RAB33B: variants seen among roughly 807,000 people sequenced by gnomAD.
RAB33B encodes the protein RAB33B, member RAS oncogene family.
A neutral mutation model predicts 15.0 loss-of-function variants in RAB33B; 6 were observed. The ratio of observed to expected loss-of-function variants is 0.40; its 90% CI spans 0.22 to 0.79. RAB33B has a LOEUF of 0.79. Ranked by LOEUF, RAB33B falls within the 30% of genes least tolerant of loss-of-function variation. The pLI, the probability that RAB33B is intolerant of heterozygous loss-of-function variation, is 0.37. For synonymous variants in RAB33B, 117 were observed against 108.3 expected, an observed-to-expected ratio of 1.08 and a Z score of -0.50; for missense variants, 257 against 296.4, an observed-to-expected ratio of 0.87 and a Z score of 0.98.
intron 1 of RAB33B, among the ~76,000 whole-genome samples, 160 bp from the exon 2 acceptor site, chr4:139,472,526 G>A (rs972905790): frequency 2.0e-5 from 3 of 152,160 alleles, no homozygotes; most frequent in Non-Finnish European, 4.4e-5. Flanking sequence ...GTATCATGAA[G>A]TCTGGATCCC....
Position 139,475,424 on chromosome 4 carries a change from C to T in RAB33B, c.*2298C>T, listed in dbSNP as rs987650734. 1 of 151,822 alleles carries T rather than the reference C, an allele frequency of 6.6e-6. No individual in the cohort carries two copies. Among genetic ancestry groups the T allele is most frequent in the Non-Finnish European group, 1.5e-5 (1 of 67,872 alleles). The allele number at this position is 151,822 out of a possible 1,614,324, so 9.4% of individuals were successfully genotyped here. A position where few individuals can be genotyped will look rare whatever the true frequency, so the allele number is the denominator to read the frequency against. ...TTCTGTGAAAGGACTTATTTTTTAA[C>T]TGTAATATTTATTAGTTTTAAAATA... On this transcript the variant is annotated 3_prime_UTR_variant, in exon 2 of 2. Transcript: ENST00000305626.
the RAB33B span, among the ~76,000 whole-genome samples, chr4:139,446,981 A>G: frequency 6.6e-6 from 1 of 152,224 alleles, no homozygotes; most frequent in African/African-American, 2.4e-5. Flanking sequence ...TCCTCACTGG[A>G]ATAAACACTT....
upstream of RAB33B, chr4:139,450,763 T>G (rs1302781198): frequency 6.6e-6 from 1 of 152,138 alleles, no homozygotes; most frequent in African/African-American, 2.4e-5. Context: ...TAAAATTATC[T>G]AAGAGCTGTT....
At chr4:139,472,265 TAAC>T (rs1243833878) in intron 1 of RAB33B, among the ~76,000 whole-genome samples, 6 of 152,236 alleles carry the variant, frequency 3.9e-5, no homozygotes, top group African/African-American at 1.4e-4. Context: ...CTGGATCTCA[TAAC>T]AACATCTTTC....
the RAB33B span, among the ~76,000 whole-genome samples, chr4:139,439,585 G>C: frequency 6.6e-6 from 1 of 152,172 alleles, no homozygotes; most frequent in Non-Finnish European, 1.5e-5. Flanking sequence ...ATGGGAAGCT[G>C]TTGGTCATCA....
the RAB33B span, among the ~76,000 whole-genome samples, chr4:139,444,412 T>C: frequency 6.6e-6 from 1 of 151,926 alleles, no homozygotes; most frequent in African/African-American, 2.4e-5. Context: ...GTCCAGGAAA[T>C]AGACCCAAAA....
Position 139,474,547 on chromosome 4 carries a change from G to A in RAB33B, c.*1421G>A, listed in dbSNP as rs1750463436. ...GAAGGCACAACTCTAATTGCTATTA[G>A]TCTACATGTATTTCTGTAATAGTAT... is the stretch of plus-strand genomic sequence containing the variant. On this transcript the variant is annotated 3_prime_UTR_variant, in exon 2 of 2. Transcript: ENST00000305626. 6.6e-6 allele frequency: 1 copy of A among 152,500 alleles called. No individual in the cohort carries two copies. The highest frequency in any genetic ancestry group is 2.4e-5 in the African/African-American group (1 of 41,410). 9.4% of individuals were successfully genotyped at this position (152,500 alleles called of 1,614,324 possible).
At chr4:139,455,180 A>C (rs1579172529) in intron 1 of RAB33B, among the ~76,000 whole-genome samples, 1 of 152,182 alleles carries the variant, frequency 6.6e-6, no homozygotes. Flanking sequence ...TATAGGCCCC[A>C]GGGCAGGTTT....
At chr4:139,453,712 C>T (rs1749992208), upstream of RAB33B, 1 of 152,874 alleles carries the variant, frequency 6.5e-6, no homozygotes, top group Non-Finnish European at 1.5e-5. Context: ...ACGCCCCCGT[C>T]AAAGGCGGCT....
intron 1 of RAB33B, among the ~76,000 whole-genome samples, chr4:139,467,014 A>G (rs1322571507): frequency 5.8e-5 from 7 of 121,232 alleles, no homozygotes; most frequent in South Asian, 2.7e-4. Context: ...TGTCACCCAG[A>G]CTAGAGTGCA....
At chr4:139,453,241 T>A (rs1749968986), upstream of RAB33B, 1 of 152,244 alleles carries the variant, frequency 6.6e-6, no homozygotes, top group Admixed American at 6.5e-5. Flanking sequence ...TGTGCTCTAC[T>A]GTTTGGGCTG....
At chr4:139,455,031 A>G (rs968625892) in intron 1 of RAB33B, among the ~76,000 whole-genome samples, 4 of 152,206 alleles carry the variant, frequency 2.6e-5, no homozygotes, top group East Asian at 3.8e-4. Context: ...TCTATATGTG[A>G]TAGTTCCTAC....
chr4:139,461,950 C>G (rs1237299960), intron 1 of RAB33B, among the ~76,000 whole-genome samples: 2 of 151,460 alleles, frequency 1.3e-5, no homozygotes, highest in Non-Finnish European at 2.9e-5. Flanking sequence ...TTATATAAAA[C>G]TTCATGAATC....
At chr4:139,461,925 A>G (rs1204990760) in intron 1 of RAB33B, among the ~76,000 whole-genome samples, 6 of 151,980 alleles carry the variant, frequency 3.9e-5, no homozygotes, top group African/African-American at 1.4e-4. Flanking sequence ...AATTTCATAT[A>G]TACGTATAAT....
intron 1 of RAB33B, among the ~76,000 whole-genome samples, chr4:139,456,652 T>G (rs544140375): frequency 6.6e-6 from 1 of 152,362 alleles, no homozygotes; most frequent in African/African-American, 2.4e-5. Flanking sequence ...GATATGGACT[T>G]GAATACTGAG....
the RAB33B span, among the ~76,000 whole-genome samples, chr4:139,443,095 C>T: frequency 2.6e-5 from 4 of 151,928 alleles, no homozygotes; most frequent in African/African-American, 7.3e-5. Context: ...CGGGTTCACG[C>T]CATTCTCCTG....
chr4:139,459,778 C>T (rs988015174), intron 1 of RAB33B, among the ~76,000 whole-genome samples: 3 of 152,070 alleles, frequency 2.0e-5, no homozygotes, highest in Non-Finnish European at 4.4e-5. Context: ...GGATTACAGG[C>T]GCCTGCCACC....
At chr4:139,472,654 T>A in intron 1 of RAB33B, 32 bp from the exon 2 acceptor site, 1 of 1,498,618 alleles carries the variant, frequency 6.7e-7, no homozygotes, top group Non-Finnish European at 9.1e-7. Context: ...GAATGGGATT[T>A]TCAGTTTTCC....
intron 1 of RAB33B, among the ~76,000 whole-genome samples, chr4:139,458,285 T>C (rs999690306): frequency 4.6e-5 from 7 of 150,666 alleles, no homozygotes; most frequent in East Asian, 3.9e-4. Context: ...CTCTCTCTCT[T>C]TTTTTTTTAA....
Sources: allele counts gnomAD v4.1 joint callset (sites outside exome capture counted in the v4.1 genomes callset), GRCh38; gene constraint gnomAD v4.1.1; transcripts MANE v1.5; gene names NCBI Gene and HGNC (gene_info 2026-07-23, HGNC 2026-07-21).